The following BABAM2 variants were observed in gnomAD, a reference collection of about 807,000 sequenced individuals.
BABAM2 encodes BRISC and BRCA1 A complex member 2, also known as BRISC and BRCA1-A complex member 2.
Under a neutral mutation model 54.7 loss-of-function variants are expected in BABAM2, and 31 were observed. The ratio of observed to expected loss-of-function variants is 0.57; its 90% confidence interval spans 0.43 to 0.77. The LOEUF (loss-of-function observed/expected upper bound fraction) is 0.77, where lower values mean the gene tolerates loss of function less well. BABAM2 is among the 30% of genes least tolerant of loss of function. The probability of loss-of-function intolerance (pLI) is 0.00; values close to 1 mark genes in which losing one functional copy is unlikely to be tolerated. For missense variants in BABAM2, 364 were observed against 455.8 expected (o/e 0.80, Z 1.83); for synonymous variants, 167 against 162.9 (o/e 1.03, Z -0.19).
At chr2:27,931,840 C>T (rs1668117951) in intron 3 of BABAM2, among the ~76,000 whole-genome samples, 1 of 151,970 alleles carries the variant, frequency 6.6e-6, no homozygotes, top group African/African-American at 2.4e-5. Context: ...AATATATTAG[C>T]CCCTGCCCTT....
intron 11 of BABAM2, among the ~76,000 whole-genome samples, chr2:28,337,788 C>T (rs1691601315): frequency 6.6e-6 from 1 of 152,136 alleles, no homozygotes; most frequent in Non-Finnish European, 1.5e-5. Flanking sequence ...AGTTTGAGAC[C>T]AGTCTGGGTA....
chr2:28,187,079 G>A (rs543774831), intron 7 of BABAM2, among the ~76,000 whole-genome samples: 5 of 152,208 alleles, frequency 3.3e-5, no homozygotes, highest in Non-Finnish European at 5.9e-5. Flanking sequence ...TACTGGGATT[G>A]CAGGCGTGAG....
intron 10 of BABAM2, among the ~76,000 whole-genome samples, chr2:28,268,892 C>A (rs1172442549): frequency 6.6e-6 from 1 of 152,180 alleles, no homozygotes; most frequent in Non-Finnish European, 1.5e-5. Context: ...TATTTGTCTG[C>A]GGAGAAATCC....
At chr2:28,003,052 G>A (rs915191551) in intron 4 of BABAM2, among the ~76,000 whole-genome samples, 7 of 152,286 alleles carry the variant, frequency 4.6e-5, no homozygotes, top group African/African-American at 1.7e-4. Context: ...ATACATTTTG[G>A]TGATTATTAG....
rs181482274 is a variant in BABAM2, at chr2:28,317,571, T to C, written c.1088+19080T>C. Among the ~76,000 whole-genome samples, 3 of 152,294 alleles carry C rather than the reference T, an allele frequency of 2.0e-5. No individual in the cohort carries two copies. In the East Asian group the frequency reaches 5.8e-4, roughly 29 times the overall value. ...GAAGCCCAGGGCAGCGATCATGGGA[T>C]CTTCCACTCTTTTTATTTTCTTATT... On this transcript the variant is annotated intron_variant, in intron 11 of 11. Transcript: ENST00000379624.
chr2:28,303,294 A>G (rs367823666), intron 11 of BABAM2, among the ~76,000 whole-genome samples: 16 of 152,124 alleles, frequency 1.1e-4, no homozygotes, highest in Non-Finnish European at 1.5e-4. Context: ...AAATTATCCT[A>G]TGTTTTCTTC....
intron 11 of BABAM2, among the ~76,000 whole-genome samples, chr2:28,335,900 T>G (rs763324906): frequency 1.7e-4 from 26 of 152,172 alleles, no homozygotes; most frequent in Non-Finnish European, 3.5e-4. Flanking sequence ...CGGGTTGCTG[T>G]GGGGCGTCTT....
chr2:28,049,033 A>T (rs1195082691), intron 6 of BABAM2, among the ~76,000 whole-genome samples: 3 of 152,210 alleles, frequency 2.0e-5, no homozygotes, highest in African/African-American at 7.2e-5. Context: ...GTAGCTAAAG[A>T]AAAGGTTTGA....
At chr2:28,216,934 C>T (rs114189539) in intron 7 of BABAM2, among the ~76,000 whole-genome samples, 467 of 152,284 alleles carry the variant, frequency 3.1e-3, no homozygotes, top group African/African-American at 0.011. Context: ...GGCTTTTGTA[C>T]TTCACATTCG....
At chr2:28,239,288 C>T (rs565015889) in intron 8 of BABAM2, among the ~76,000 whole-genome samples, 1 of 152,164 alleles carries the variant, frequency 6.6e-6, no homozygotes, top group Non-Finnish European at 1.5e-5. Context: ...GCTATCAGTA[C>T]CAATTGTGTC....
chr2:28,186,808 A>T (rs959760998), intron 7 of BABAM2, among the ~76,000 whole-genome samples: 2 of 144,170 alleles, frequency 1.4e-5, no homozygotes, highest in Middle Eastern at 7.1e-3. Context: ...GGAATTCAAC[A>T]TTTTTTTTTT....
intron 6 of BABAM2, among the ~76,000 whole-genome samples, chr2:28,068,651 A>G (rs938658329): frequency 6.6e-6 from 1 of 152,196 alleles, no homozygotes; most frequent in African/African-American, 2.4e-5. Flanking sequence ...CAGCCTGAAA[A>G]CATAACCTAT....
At chr2:27,982,717 A>C (rs1293073122) in intron 3 of BABAM2, among the ~76,000 whole-genome samples, 1 of 152,062 alleles carries the variant, frequency 6.6e-6, no homozygotes. Context: ...GGTGTTTCGT[A>C]TAAGTGGAGT....
intron 4 of BABAM2, among the ~76,000 whole-genome samples, chr2:27,997,249 T>C (rs1222018087): frequency 1.3e-5 from 2 of 150,868 alleles, no homozygotes; most frequent in Non-Finnish European, 2.9e-5. Flanking sequence ...TAACATGGCA[T>C]CTCTGGTTCT....
At chr2:28,228,920 A>C (rs939288297) in intron 7 of BABAM2, among the ~76,000 whole-genome samples, 8 of 152,212 alleles carry the variant, frequency 5.3e-5, no homozygotes, top group African/African-American at 1.9e-4. Context: ...GTTAGGGTTC[A>C]TGCCATTAGA....
chr2:28,055,719 A>G (rs1455947912), intron 6 of BABAM2, among the ~76,000 whole-genome samples: 1 of 152,196 alleles, frequency 6.6e-6, no homozygotes, highest in Non-Finnish European at 1.5e-5. Context: ...AAATAGAACT[A>G]CCAGTAATGC....
At chr2:27,902,431 A>G (rs1171108297) in intron 2 of BABAM2, among the ~76,000 whole-genome samples, 1 of 152,246 alleles carries the variant, frequency 6.6e-6, no homozygotes, top group Non-Finnish European at 1.5e-5. Context: ...TCCTAGAAAT[A>G]GAATTACTAG....
intron 6 of BABAM2, among the ~76,000 whole-genome samples, chr2:28,114,667 A>G (rs1460589943): frequency 6.6e-6 from 1 of 152,216 alleles, no homozygotes; most frequent in African/African-American, 2.4e-5. Flanking sequence ...TGTGTTGTTT[A>G]GAAGTTTATT....
At chr2:28,204,874 C>T (rs574070808) in intron 7 of BABAM2, among the ~76,000 whole-genome samples, 5 of 152,156 alleles carry the variant, frequency 3.3e-5, no homozygotes, top group African/African-American at 7.2e-5. Flanking sequence ...CGCAGCCCCC[C>T]GTATGGGCCT....
Sources: allele counts gnomAD v4.1 joint callset (sites outside exome capture counted in the v4.1 genomes callset), GRCh38; gene constraint gnomAD v4.1.1; transcripts MANE v1.5; gene names NCBI Gene and HGNC (gene_info 2026-07-23, HGNC 2026-07-21).